SLC46A3: variants seen among roughly 807,000 people sequenced by gnomAD.
The protein encoded by SLC46A3 is solute carrier family 46 member 3.
A neutral mutation model predicts 38.5 loss-of-function variants in SLC46A3; 26 were observed. That is an observed-to-expected ratio of 0.68 (90% confidence interval 0.49 to 0.94). The LOEUF (loss-of-function observed/expected upper bound fraction) is 0.94, where lower values mean the gene tolerates loss of function less well. Among genes scored for constraint, SLC46A3 ranks in the 40% least tolerant of loss-of-function variants. The probability of loss-of-function intolerance (pLI) is 0.00; values close to 1 mark genes in which losing one functional copy is unlikely to be tolerated. For missense variants in SLC46A3, 510 were observed against 544.3 expected (o/e 0.94, Z 0.63); for synonymous variants, 185 against 192.5 (o/e 0.96, Z 0.32).
At chr13:28,708,902 G>A (rs2480478) in intron 4 of SLC46A3, among the ~76,000 whole-genome samples, 148,592 of 152,268 alleles carry the variant, frequency 0.98, 72,616 homozygotes, top group East Asian at 1. Flanking sequence ...CTATTGCATA[G>A]TCCAAAGAAG....
At chr13:28,713,794 T>C (rs1447168988) in intron 2 of SLC46A3, among the ~76,000 whole-genome samples, 1 of 152,180 alleles carries the variant, frequency 6.6e-6, no homozygotes, top group Non-Finnish European at 1.5e-5. Flanking sequence ...TTTCAGACTT[T>C]GGGATATTTG....
intron 2 of SLC46A3, among the ~76,000 whole-genome samples, chr13:28,716,365 ACT>A (rs1178659876): frequency 2.0e-5 from 3 of 151,180 alleles, no homozygotes; most frequent in African/African-American, 7.3e-5. Flanking sequence ...GATTTGTTAA[ACT>A]CTATTCTGTT....
In SLC46A3 at chr13:28,713,489, C is replaced by A; in HGVS notation, c.251G>T (p.Gly84Val). The change falls in exon 3 of 6, where the codon GGT becomes GTT. Residue 84 changes from glycine (G) to valine (V), a missense_variant. Coordinates refer to ENST00000266943, the MANE Select transcript of SLC46A3 (RefSeq NM_181785.4). ...LQMDISGLIP[G>V]LVSTFILLSI... ...CAAAAGTATGAATGTAGACACTAGA[C>A]CAGGAATTAATCCACTTATGTCCAT... 1.2e-6 allele frequency: 2 copies of A among 1,613,532 alleles called. No homozygotes were observed. The highest frequency in any genetic ancestry group is 3.3e-5 in the Admixed American group (2 of 60,020).
chr13:28,708,702 C>T (rs1885252804), intron 4 of SLC46A3, among the ~76,000 whole-genome samples: 1 of 148,442 alleles, frequency 6.7e-6, no homozygotes. Flanking sequence ...CTCGGGTCAT[C>T]CACCCGCTTT....
chr13:28,706,927 T>C (rs1042964534), intron 4 of SLC46A3, among the ~76,000 whole-genome samples: 3 of 152,132 alleles, frequency 2.0e-5, no homozygotes, highest in Non-Finnish European at 4.4e-5. Flanking sequence ...TGTGGAGAAA[T>C]AGGAACACTT....
chr13:28,715,553 C>G (rs974533624), intron 2 of SLC46A3, among the ~76,000 whole-genome samples: 1 of 152,206 alleles, frequency 6.6e-6, no homozygotes, highest in Non-Finnish European at 1.5e-5. Flanking sequence ...GAATCAAATA[C>G]AGAAATTGAT....
At position 28,701,480 on chromosome 13, in the gene SLC46A3, G is replaced by A; in HGVS notation, c.*17C>T. The A allele has an allele frequency of 6.2e-7, 1 of 1,603,278 alleles. No individual in the cohort carries two copies. The highest frequency in any genetic ancestry group is 8.5e-7 in the Non-Finnish European group (1 of 1,176,710). On this transcript the variant is annotated 3_prime_UTR_variant, in exon 6 of 6. Coordinates refer to ENST00000266943, the MANE Select transcript of SLC46A3 (RefSeq NM_181785.4). ...ATATGTGCATTCATAGATTTTTTTT[G>A]TTTGTTTAAATCACAGTCACCTGTC...
At chr13:28,714,811 A>T (rs1274923100) in intron 2 of SLC46A3, among the ~76,000 whole-genome samples, 1 of 152,198 alleles carries the variant, frequency 6.6e-6, no homozygotes, top group Non-Finnish European at 1.5e-5. Flanking sequence ...GAGTAAGATA[A>T]ACTCAACTTC....
intron 5 of SLC46A3, among the ~76,000 whole-genome samples, chr13:28,701,978 A>G (rs1459343237): frequency 1.3e-5 from 2 of 152,206 alleles, no homozygotes; most frequent in Non-Finnish European, 2.9e-5. Flanking sequence ...TTAAAAAAAA[A>G]GCTCAGAAGC....
At position 28,701,200 on chromosome 13, in the gene SLC46A3, TC is replaced by T; in HGVS notation, c.*296del. The stretch of plus-strand genomic sequence containing the variant: ...CTTTTGACCTTATCAAGTTTCTTGA[TC>T]CCTCCTTACACCCTTAAGTTTTAAT... On this transcript the variant is annotated 3_prime_UTR_variant, in exon 6 of 6. Transcript: ENST00000266943. 7.2e-7 allele frequency: 1 copy of T among 1,396,946 alleles called. No homozygotes were observed. The highest frequency in any genetic ancestry group is 2.6e-5 in the East Asian group (1 of 38,398). The allele number at this position is 1,396,946 out of a possible 1,614,324, so 86.5% of individuals were successfully genotyped here. A position where few individuals can be genotyped will look rare whatever the true frequency, so the allele number is the denominator to read the frequency against.
chr13:28,714,017 G>A lies in SLC46A3; in HGVS notation c.190-467C>T, dbSNP rs963112079. On this transcript the variant is annotated intron_variant, in intron 2 of 5. Coordinates refer to ENST00000266943, the MANE Select transcript of SLC46A3 (RefSeq NM_181785.4). ...GATCAAAAAGTTTCAGATTTTGGTC[G>A]GGCGTGGTGGCTCATGCCTGTAATC... 4.6e-5 allele frequency among the ~76,000 whole-genome samples: 7 copies of A among 151,972 alleles called. No homozygotes were observed. The South Asian group carries it at 6.2e-4, about 13-fold the overall frequency.
In SLC46A3 at chr13:28,701,419, G is replaced by A. The variant is rs1459104687; in HGVS notation, c.*78C>T. 3.2e-6 allele frequency: 5 copies of A among 1,561,902 alleles called. No homozygotes were observed. Among genetic ancestry groups the A allele is most frequent in the Middle Eastern group, 1.9e-4 (1 of 5,282 alleles). Reference sequence around the variant, plus strand: ...GGTTCTCAGTGAAGCACTGATTGTGGAATTCATTTATAGTCTTCAGAAGTC... The same window carrying A: ...GGTTCTCAGTGAAGCACTGATTGTGAAATTCATTTATAGTCTTCAGAAGTC... On this transcript the variant is annotated 3_prime_UTR_variant, in exon 6 of 6. Transcript: ENST00000266943.
In SLC46A3 at chr13:28,712,537, G is replaced by T. The variant is rs184436429; in HGVS notation, c.1060+143C>A. ...TTCGGCTTTTGGCTTATTGACTCCT[G>T]GCAAACTAGTTATTACCCTTTAATT... is the stretch of plus-strand genomic sequence containing the variant. On this transcript the variant is annotated intron_variant, in intron 3 of 5. Transcript: ENST00000266943. The T allele has an allele frequency of 8.7e-4, 673 of 769,496 alleles. 1 individual carries two copies. The highest frequency in any genetic ancestry group is 1.1e-3 in the Non-Finnish European group (626 of 555,270). 47.7% of individuals were successfully genotyped at this position (769,496 alleles called of 1,614,324 possible).
At chr13:28,702,171 A>T (rs1885042534) in intron 5 of SLC46A3, among the ~76,000 whole-genome samples, 1 of 151,798 alleles carries the variant, frequency 6.6e-6, no homozygotes, top group East Asian at 1.9e-4. Context: ...TTTGGTAAAG[A>T]TGGGGGTCCC....
rs1180647580 is a variant in SLC46A3 at position 28,700,927 on chromosome 13, C to T, written c.*570G>A. On this transcript the variant is annotated 3_prime_UTR_variant, in exon 6 of 6. Transcript: ENST00000266943. ...GTCTTCAGAAGTCACAGTATATAAG[C>T]TCCGACTATCAATAGCAGCTTAACA... 4 of 1,491,294 alleles carry T rather than the reference C, an allele frequency of 2.7e-6. No homozygotes were observed. In the Admixed American group the frequency reaches 7.9e-5, roughly 29 times the overall value. The allele number at this position is 1,491,294 out of a possible 1,614,324, so 92.4% of individuals were successfully genotyped here.
At chr13:28,710,551 C>T (rs1316142630) in intron 4 of SLC46A3, among the ~76,000 whole-genome samples, 3 of 152,178 alleles carry the variant, frequency 2.0e-5, no homozygotes, top group African/African-American at 7.2e-5. Context: ...GGCCCAGAGC[C>T]GAGGGAGCTC....
At chr13:28,702,619 G>A (rs1461771106) in intron 5 of SLC46A3, among the ~76,000 whole-genome samples, 2 of 152,104 alleles carry the variant, frequency 1.3e-5, no homozygotes, top group African/African-American at 2.4e-5. Context: ...TTGTTAATTC[G>A]ATAGGTGAAT....
chr13:28,709,877 G>A (rs997433061), intron 4 of SLC46A3, among the ~76,000 whole-genome samples: 3 of 152,194 alleles, frequency 2.0e-5, no homozygotes, highest in Non-Finnish European at 4.4e-5. Context: ...CCAGCTGAGT[G>A]GGGCCCCGTT....
In SLC46A3 at chr13:28,713,479, A is replaced by T. The variant is rs775479610; in HGVS notation, c.261T>A (p.Ser87=). ...CACTAATAGACAAAAGTATGAATGTAGACACTAGACCAGGAATTAATCCAC... is the reference window on the plus strand; with the variant it reads ...CACTAATAGACAAAAGTATGAATGTTGACACTAGACCAGGAATTAATCCAC... ...DISGLIPGLV[S]TFILLSISDH... is the part of the protein sequence containing the mutation. The change falls in exon 3 of 6, where the codon TCT becomes TCA. Residue 87 remains serine, a synonymous_variant. Transcript: ENST00000266943. 6.2e-7 allele frequency: 1 copy of T among 1,613,948 alleles called. No homozygotes were observed. Among genetic ancestry groups the T allele is most frequent in the Non-Finnish European group, 8.5e-7 (1 of 1,179,900 alleles).
Sources: allele counts gnomAD v4.1 joint callset (sites outside exome capture counted in the v4.1 genomes callset), GRCh38; gene constraint gnomAD v4.1.1; transcripts MANE v1.5; gene names NCBI Gene and HGNC (gene_info 2026-07-23, HGNC 2026-07-21).